Variants in SCHIP1 observed in about 807,000 individuals in gnomAD.
SCHIP1 encodes the protein schwannomin interacting protein 1.
In SCHIP1, 8 loss-of-function variants were observed where a neutral mutation model predicts 29.7. The ratio of observed to expected loss-of-function variants is 0.27; its 90% CI spans 0.16 to 0.49. SCHIP1 has a LOEUF of 0.49. Ranked by LOEUF, SCHIP1 falls within the 20% of genes least tolerant of loss-of-function variation. SCHIP1 has a pLI of 0.99. For synonymous variants in SCHIP1, 76 were observed against 94.9 expected (o/e 0.80, Z 1.16); for missense variants, 193 against 294.6 (o/e 0.66, Z 2.52).
the SCHIP1 span, among the ~76,000 whole-genome samples, chr3:159,340,644 T>G: frequency 6.6e-6 from 1 of 152,134 alleles, no homozygotes; most frequent in South Asian, 2.1e-4. Flanking sequence ...TTATTCTAAA[T>G]CTTTCAGCAT....
At chr3:159,596,719 G>C in the SCHIP1 span, among the ~76,000 whole-genome samples, 1 of 151,804 alleles carries the variant, frequency 6.6e-6, no homozygotes, top group African/African-American at 2.4e-5. Flanking sequence ...AAACACTGCA[G>C]GTTCTCACTT....
chr3:159,661,192 A>G, the SCHIP1 span, among the ~76,000 whole-genome samples: 1 of 152,204 alleles, frequency 6.6e-6, no homozygotes, highest in African/African-American at 2.4e-5. Flanking sequence ...GACTTTTAGG[A>G]GTCAGAAAGC....
chr3:159,493,908 G>A, the SCHIP1 span, among the ~76,000 whole-genome samples: 1 of 151,732 alleles, frequency 6.6e-6, no homozygotes, highest in East Asian at 1.9e-4. Flanking sequence ...CTGTCTCTCA[G>A]ACCACAGTGC....
chr3:159,401,255 G>A, the SCHIP1 span: 1 of 887,520 alleles, frequency 1.1e-6, no homozygotes, highest in Non-Finnish European at 1.3e-6. Context: ...AAATATCCAG[G>A]TTTCTAGTAA....
chr3:159,314,160 C>G, the SCHIP1 span, among the ~76,000 whole-genome samples: 1 of 152,168 alleles, frequency 6.6e-6, no homozygotes, highest in Non-Finnish European at 1.5e-5. Flanking sequence ...ACTGCAGACA[C>G]CTGCTTTTCC....
chr3:159,772,234 C>G, the SCHIP1 span, among the ~76,000 whole-genome samples: 1 of 152,206 alleles, frequency 6.6e-6, no homozygotes, highest in African/African-American at 2.4e-5. Flanking sequence ...CGCTGCAACC[C>G]CCATCTCCCA....
the SCHIP1 span, among the ~76,000 whole-genome samples, chr3:159,623,959 T>G: frequency 6.6e-6 from 1 of 152,300 alleles, no homozygotes; most frequent in African/African-American, 2.4e-5. Flanking sequence ...CTAAGCCTCT[T>G]GATTATAGGA....
At chr3:159,398,607 G>A in the SCHIP1 span, among the ~76,000 whole-genome samples, 913 of 152,270 alleles carry the variant, frequency 6.0e-3, 4 homozygotes, top group Non-Finnish European at 0.011. Flanking sequence ...TTCTTTGCAG[G>A]TGATTTGATC....
the SCHIP1 span, among the ~76,000 whole-genome samples, chr3:159,639,454 C>T: frequency 6.6e-6 from 1 of 152,020 alleles, no homozygotes; most frequent in Non-Finnish European, 1.5e-5. Context: ...CTTAATTACT[C>T]AATTCATTTA....
intron 5 of SCHIP1, among the ~76,000 whole-genome samples, chr3:159,890,237 T>C (rs996987317): frequency 8.5e-5 from 13 of 152,366 alleles, no homozygotes; most frequent in African/African-American, 2.9e-4. Flanking sequence ...TGATTCAAGC[T>C]TGGCCATGAG....
At chr3:159,319,996 C>G in the SCHIP1 span, among the ~76,000 whole-genome samples, 1 of 152,120 alleles carries the variant, frequency 6.6e-6, no homozygotes, top group African/African-American at 2.4e-5. Flanking sequence ...TGTGTTGAAA[C>G]CTAATCAGTA....
At chr3:159,720,697 G>T in the SCHIP1 span, among the ~76,000 whole-genome samples, 1 of 151,868 alleles carries the variant, frequency 6.6e-6, no homozygotes, top group Admixed American at 6.6e-5. Context: ...CAATCCTCCC[G>T]CCTCAGCCTC....
At chr3:159,644,216 TA>T in the SCHIP1 span, among the ~76,000 whole-genome samples, 1 of 152,286 alleles carries the variant, frequency 6.6e-6, no homozygotes, top group East Asian at 1.9e-4. Flanking sequence ...CCTTGAGCTT[TA>T]AACTAAATCT....
the SCHIP1 span, among the ~76,000 whole-genome samples, chr3:159,747,176 C>A: frequency 5.3e-4 from 81 of 152,314 alleles, 1 homozygote; most frequent in African/African-American, 1.9e-3. Flanking sequence ...AATACTATGT[C>A]ATCTCCTTAA....
At chr3:159,701,094 G>A in the SCHIP1 span, among the ~76,000 whole-genome samples, 4 of 152,180 alleles carry the variant, frequency 2.6e-5, no homozygotes, top group Non-Finnish European at 5.9e-5. Context: ...GCCTGGCAGA[G>A]TAAACATTCA....
At chr3:159,830,736 A>G in the SCHIP1 span, among the ~76,000 whole-genome samples, 1 of 152,212 alleles carries the variant, frequency 6.6e-6, no homozygotes, top group Non-Finnish European at 1.5e-5. Flanking sequence ...CCTTGACGCA[A>G]TAGTAGCCTG....
At chr3:159,437,192 G>A in the SCHIP1 span, among the ~76,000 whole-genome samples, 1 of 152,058 alleles carries the variant, frequency 6.6e-6, no homozygotes, top group Admixed American at 6.6e-5. Context: ...TGCTGCCTGT[G>A]ATACCTGCTA....
At chr3:159,645,245 G>A in the SCHIP1 span, among the ~76,000 whole-genome samples, 1 of 152,016 alleles carries the variant, frequency 6.6e-6, no homozygotes, top group Non-Finnish European at 1.5e-5. Flanking sequence ...CTTCAATTAA[G>A]AACACCTCCT....
chr3:159,582,779 T>TACACACACACAC, the SCHIP1 span, among the ~76,000 whole-genome samples: 4 of 98,330 alleles, frequency 4.1e-5, no homozygotes, highest in African/African-American at 1.3e-4. Flanking sequence ...GCAACTGAAA[T>TACACACACACAC]ATATATATAC....
Sources: gnomAD v4.1 joint callset for allele counts (sites outside exome capture counted in the v4.1 genomes callset) on GRCh38, gnomAD v4.1.1 for gene constraint, MANE v1.5 for transcripts, NCBI Gene and HGNC (gene_info 2026-07-23, HGNC 2026-07-21) for gene names.